Variants in OOEP observed in about 807,000 individuals in gnomAD.
OOEP encodes oocyte expressed protein.
Under a neutral mutation model 13.7 loss-of-function variants are expected in OOEP, and 16 were observed. The observed-to-expected ratio is 1.16, with a 90% confidence interval of 0.79 to 1.77. The LOEUF (loss-of-function observed/expected upper bound fraction) is 1.77. Ranked by LOEUF, OOEP falls within the 40% of genes most tolerant of loss-of-function variation. The probability of loss-of-function intolerance (pLI) is 0.00; values close to 1 mark genes in which losing one functional copy is unlikely to be tolerated. For synonymous variants in OOEP, 89 were observed against 77.1 expected (o/e 1.15, Z -0.81); for missense variants, 195 against 193.1 (o/e 1.01, Z -0.06).
chr6:73,390,539 GTTTTAT>G (rs1285015870), intron 2 of OOEP, among the ~76,000 whole-genome samples: 2 of 144,046 alleles, frequency 1.4e-5, no homozygotes, highest in African/African-American at 2.5e-5. Context: ...TGCTTTTTTT[GTTTTAT>G]TTTTATGAGG....
Position 73,387,249 on chromosome 6 carries a change from C to A in OOEP, c.25+7097G>T, listed in dbSNP as rs938939638. 2.6e-5 allele frequency among the ~76,000 whole-genome samples: 4 copies of A among 152,022 alleles called. No individual in the cohort carries two copies. In the East Asian group the frequency reaches 5.8e-4, roughly 22 times the overall value. On this transcript the variant is annotated intron_variant, in intron 2 of 3. Transcript: ENST00000370363. ...AACCACCAGGCATGGTGGCTCACAC[C>A]TGTAATCCCAGCACTTTGGGAGGCC... is the stretch of plus-strand genomic sequence containing the variant.
In OOEP at chr6:73,392,407, C is replaced by T. The variant is rs560028300; in HGVS notation, c.25+1939G>A. ...CCAACTTCTGCCTCCCAGGTTCAAG[C>T]AATTCTCTCACCTCAGCTTCTCAAG... On this transcript the variant is annotated intron_variant, in intron 2 of 3. Coordinates refer to the OOEP transcript ENST00000370363. Among the ~76,000 whole-genome samples the T allele has an allele frequency of 3.3e-5, 5 of 152,090 alleles. No individual in the cohort carries two copies. The East Asian group carries it at 9.7e-4, about 29-fold the overall frequency.
chr6:73,370,950 T>A (rs1769040221), upstream of OOEP, among the ~76,000 whole-genome samples: 1 of 152,016 alleles, frequency 6.6e-6, no homozygotes, highest in African/African-American at 2.4e-5. Context: ...CCCAGCTATT[T>A]TCCAGCTCTT....
upstream of OOEP, among the ~76,000 whole-genome samples, chr6:73,371,772 T>TAAATAA (rs1769062152): frequency 6.8e-6 from 1 of 147,004 alleles, no homozygotes. Context: ...AAAATAAAAA[T>TAAATAA]AAAAAAATTT....
intron 2 of OOEP, among the ~76,000 whole-genome samples, chr6:73,390,050 G>A (rs1277362212): frequency 1.3e-5 from 2 of 152,034 alleles, no homozygotes; most frequent in African/African-American, 2.4e-5. Context: ...GGTGTGTGGC[G>A]CACCTGTGGT....
chr6:73,373,370 G>A (rs1221896244), upstream of OOEP: 1 of 1,156,864 alleles, frequency 8.6e-7, no homozygotes, highest in African/African-American at 1.5e-5. Context: ...TGTCACCCAG[G>A]CTAGAGTGCA....
chr6:73,370,147 T>C (rs186028232), upstream of OOEP: 184 of 245,906 alleles, frequency 7.5e-4, no homozygotes, highest in African/African-American at 3.8e-3. Context: ...GAGTTTGAAT[T>C]GACGACTCTA....
intron 2 of OOEP, among the ~76,000 whole-genome samples, chr6:73,385,578 G>C (rs1769261706): frequency 6.7e-6 from 1 of 150,300 alleles, no homozygotes; most frequent in Non-Finnish European, 1.5e-5. Flanking sequence ...CTCTTCCCCA[G>C]CCTAAATAAA....
chr6:73,376,341 GTTGTTTTTTTTTTT>G (rs1769137025), intron 2 of OOEP, among the ~76,000 whole-genome samples: 1 of 67,910 alleles, frequency 1.5e-5, no homozygotes, highest in South Asian at 5.0e-4. Context: ...TGGACAAGGG[GTTGTTTTTTTTTTT>G]TTTTTTTTTT....
At chr6:73,392,205 T>C (rs865856965) in intron 2 of OOEP, among the ~76,000 whole-genome samples, 2 of 152,344 alleles carry the variant, frequency 1.3e-5, no homozygotes, top group South Asian at 4.1e-4. Context: ...TCTCAGCACG[T>C]TGAATCCAAC....
At chr6:73,394,049 A>C (rs999413010) in intron 2 of OOEP, among the ~76,000 whole-genome samples, 2 of 152,160 alleles carry the variant, frequency 1.3e-5, no homozygotes, top group African/African-American at 4.8e-5. Context: ...GCCATTAAAT[A>C]CATTTTGTGA....
At chr6:73,394,794 G>A in exon 1 of OOEP, 2 of 1,482,118 alleles carry the variant, frequency 1.3e-6, no homozygotes, top group Non-Finnish European at 1.8e-6. Context: ...CCTCGTGCGG[G>A]CTCCTTAAGT....
intron 2 of OOEP, among the ~76,000 whole-genome samples, chr6:73,387,263 C>A (rs1056417188): frequency 2.0e-5 from 3 of 152,016 alleles, no homozygotes; most frequent in Non-Finnish European, 4.4e-5. Context: ...AATCCCAGCA[C>A]TTTGGGAGGC....
Position 73,378,997 on chromosome 6 carries a change from A to G in OOEP, c.26-9612T>C, listed in dbSNP as rs148904432. On this transcript the variant is annotated intron_variant, in intron 2 of 3. Coordinates refer to the OOEP transcript ENST00000370363. ...TTCAATGACTATAACTCACGTTAAC[A>G]TGGATAACCTTTTAATGAAAAATGA... 1.7e-3 allele frequency among the ~76,000 whole-genome samples: 263 copies of G among 152,284 alleles called. 1 individual carries two copies. The highest frequency in any genetic ancestry group is 6.1e-3 in the African/African-American group (252 of 41,574).
intron 2 of OOEP, among the ~76,000 whole-genome samples, chr6:73,379,657 A>AAAAAT: frequency 9.0e-6 from 1 of 110,902 alleles, no homozygotes; most frequent in Non-Finnish European, 1.8e-5. Flanking sequence ...AAAAAAAAAA[A>AAAAAT]AAAAGTGGCC....
chr6:73,376,353 T>TTG (rs1554233036), intron 2 of OOEP, among the ~76,000 whole-genome samples: 2 of 54,440 alleles, frequency 3.7e-5, no homozygotes, highest in South Asian at 8.3e-4. Flanking sequence ...TGTTTTTTTT[T>TTG]TTTTTTTTTT....
intron 2 of OOEP, among the ~76,000 whole-genome samples, chr6:73,389,700 G>C (rs1255216122): frequency 6.8e-6 from 1 of 147,900 alleles, no homozygotes; most frequent in Non-Finnish European, 1.5e-5. Flanking sequence ...GTTGTGGGGT[G>C]GGGGGAGGGG....
intron 2 of OOEP, among the ~76,000 whole-genome samples, chr6:73,379,563 C>T (rs1368327656): frequency 7.0e-6 from 1 of 143,462 alleles, no homozygotes; most frequent in Non-Finnish European, 1.5e-5. Context: ...CGCTTGAACC[C>T]AGGAGGTGGA....
intron 1 of OOEP, chr6:73,394,500 G>GAA: frequency 5.4e-6 from 3 of 550,604 alleles, no homozygotes; most frequent in Admixed American, 3.3e-5. Flanking sequence ...TATTTAAAAA[G>GAA]AAAAAAAAAA....
Sources: gnomAD v4.1 joint callset for allele counts (sites outside exome capture counted in the v4.1 genomes callset) on GRCh38, gnomAD v4.1.1 for gene constraint, MANE v1.5 for transcripts, NCBI Gene and HGNC (gene_info 2026-07-23, HGNC 2026-07-21) for gene names.